The following DMXL1 variants were observed in gnomAD, a reference collection of about 807,000 sequenced individuals.
The protein encoded by DMXL1 is dmX-like protein 1.
DMXL1 carries 99 observed loss-of-function variants against 319.2 expected under a neutral mutation model. The observed-to-expected ratio is 0.31, with a 90% CI of 0.26 to 0.37. The LOEUF is 0.37. DMXL1 is among the 10% of genes least tolerant of loss of function. The pLI is 1.00. For synonymous variants in DMXL1, 1,385 were observed against 1,235.2 expected (o/e 1.12, Z -2.54); for missense variants, 3,745 against 3,595.6 (o/e 1.04, Z -1.06).
intron 13 of DMXL1, among the ~76,000 whole-genome samples, chr5:119,142,517 T>TAAAAAAAAAAAA (rs148846123): frequency 1.6e-5 from 1 of 62,312 alleles, no homozygotes. Context: ...TATTAAAAAG[T>TAAAAAAAAAAAA]AAAAAAAAAA....
intron 34 of DMXL1, among the ~76,000 whole-genome samples, chr5:119,210,758 T>TG (rs1554142444): frequency 6.9e-5 from 2 of 28,996 alleles, no homozygotes; most frequent in South Asian, 1.8e-3. Flanking sequence ...TTTTCTTTCG[T>TG]TTTTTTTTTT....
chr5:119,115,980 A>G (rs950311425), intron 6 of DMXL1, among the ~76,000 whole-genome samples, 178 bp from the exon 7 acceptor site: 1 of 152,200 alleles, frequency 6.6e-6, no homozygotes, highest in African/African-American at 2.4e-5. Context: ...TTTAAAGCAC[A>G]GTTAGGCAAT....
At chr5:119,153,784 C>T (rs1001556753) in intron 19 of DMXL1, among the ~76,000 whole-genome samples, 1 of 152,226 alleles carries the variant, frequency 6.6e-6, no homozygotes, top group African/African-American at 2.4e-5. Flanking sequence ...AGTGTATATA[C>T]AGGCATACTC....
chr5:119,242,719 A>G (rs921038159), intron 42 of DMXL1, among the ~76,000 whole-genome samples: 1 of 152,234 alleles, frequency 6.6e-6, no homozygotes, highest in Admixed American at 6.5e-5. Flanking sequence ...TATAAGCTAC[A>G]GTAATCAAGA....
intron 1 of DMXL1, among the ~76,000 whole-genome samples, chr5:119,079,859 T>G (rs1481508488): frequency 6.6e-6 from 1 of 152,204 alleles, no homozygotes; most frequent in African/African-American, 2.4e-5. Flanking sequence ...TTAGTCATTC[T>G]CAGTGTTCTT....
At chr5:119,194,085 C>T (rs1779176729) in intron 30 of DMXL1, 115 bp downstream of exon 30, 3 of 677,016 alleles carry the variant, frequency 4.4e-6, no homozygotes, top group African/African-American at 1.9e-5. Context: ...CACATTATAA[C>T]CCAGATTTCT....
chr5:119,147,797 C>T (rs1003814006), intron 17 of DMXL1, among the ~76,000 whole-genome samples: 1 of 152,132 alleles, frequency 6.6e-6, no homozygotes, highest in Non-Finnish European at 1.5e-5. Flanking sequence ...CAATAGCTGC[C>T]TGGAGCCATG....
chr5:119,158,972 A>G (rs1459127748), intron 19 of DMXL1, among the ~76,000 whole-genome samples: 1 of 152,136 alleles, frequency 6.6e-6, no homozygotes, highest in African/African-American at 2.4e-5. Context: ...GCATTGGCAT[A>G]AGGGAAATCC....
At chr5:119,125,029 C>A (rs1244734654) in intron 9 of DMXL1, among the ~76,000 whole-genome samples, 2 of 152,058 alleles carry the variant, frequency 1.3e-5, no homozygotes, top group African/African-American at 4.8e-5. Flanking sequence ...TACTGTATGA[C>A]CTAGGACATA....
intron 18 of DMXL1, 148 bp downstream of exon 18, chr5:119,150,569 A>G: frequency 3.4e-6 from 3 of 870,330 alleles, no homozygotes; most frequent in Non-Finnish European, 3.3e-6. Context: ...CAGGAGGATC[A>G]CTTGAACCTA....
intron 9 of DMXL1, among the ~76,000 whole-genome samples, chr5:119,121,885 G>A (rs1338852016): frequency 6.7e-6 from 1 of 149,028 alleles, no homozygotes. Context: ...TCACCTCCTG[G>A]ACGGGGCGGC....
At chr5:119,083,704 C>G (rs1752722140) in intron 1 of DMXL1, among the ~76,000 whole-genome samples, 1 of 151,848 alleles carries the variant, frequency 6.6e-6, no homozygotes, top group Admixed American at 6.6e-5. Context: ...CCACGCCTGG[C>G]TAATTTTTGT....
At chr5:119,129,628 T>C (rs1223984521) in intron 10 of DMXL1, among the ~76,000 whole-genome samples, 2 of 152,222 alleles carry the variant, frequency 1.3e-5, no homozygotes, top group Non-Finnish European at 2.9e-5. Context: ...CTGGGGGTTC[T>C]CATTCTTCTG....
intron 19 of DMXL1, among the ~76,000 whole-genome samples, chr5:119,155,269 T>C (rs1164358743): frequency 1.3e-5 from 2 of 152,206 alleles, no homozygotes; most frequent in Non-Finnish European, 2.9e-5. Context: ...TATAGATAAT[T>C]ATTCCTCTGA....
At chr5:119,081,749 T>C (rs1185778191) in intron 1 of DMXL1, 1 of 983,520 alleles carries the variant, frequency 1.0e-6, no homozygotes. Flanking sequence ...ATTGAGACTG[T>C]GCATGGAGAA....
chr5:119,115,380 G>A (rs768842695), intron 6 of DMXL1, among the ~76,000 whole-genome samples: 1 of 152,086 alleles, frequency 6.6e-6, no homozygotes, highest in African/African-American at 2.4e-5. Flanking sequence ...TTTATTACCT[G>A]TCTATTTTAA....
At chr5:119,223,152 G>A (rs1784936730) in intron 37 of DMXL1, among the ~76,000 whole-genome samples, 1 of 150,956 alleles carries the variant, frequency 6.6e-6, no homozygotes, top group Non-Finnish European at 1.5e-5. Flanking sequence ...CACCCCACAG[G>A]TTCAAGCAAT....
chr5:119,110,408 C>T, intron 5 of DMXL1, 125 bp downstream of exon 5: 13 of 839,960 alleles, frequency 1.5e-5, no homozygotes, highest in Admixed American at 6.0e-5. Context: ...CTATGATATG[C>T]TTTTTCTTAT....
chr5:119,133,408 G>T (rs1426583159), intron 11 of DMXL1, 23 bp downstream of exon 11: 2 of 1,599,846 alleles, frequency 1.3e-6, no homozygotes, highest in Non-Finnish European at 8.5e-7. Context: ...TTTCTGGAGA[G>T]CTACTTCCTT....
Sources: gnomAD v4.1 joint callset for allele counts (sites outside exome capture counted in the v4.1 genomes callset) on GRCh38, gnomAD v4.1.1 for gene constraint, MANE v1.5 for transcripts, NCBI Gene and HGNC (gene_info 2026-07-23, HGNC 2026-07-21) for gene names.